IL1RAP: variants seen among roughly 807,000 people sequenced by gnomAD.
IL1RAP encodes interleukin 1 receptor accessory protein.
IL1RAP carries 35 observed loss-of-function variants against 60.7 expected under a neutral mutation model. That is an observed-to-expected ratio of 0.58 (90% CI 0.44 to 0.76). The LOEUF is 0.76. Among genes scored for constraint, IL1RAP ranks in the 30% least tolerant of loss-of-function variants. The pLI is 0.00. For missense variants in IL1RAP, 572 were observed against 693.9 expected, an observed-to-expected ratio of 0.82 and a Z score of 1.97; for synonymous variants, 268 against 250.9, an observed-to-expected ratio of 1.07 and a Z score of -0.64.
At chr3:190,598,102 G>C (rs147193745) in intron 3 of IL1RAP, among the ~76,000 whole-genome samples, 23 of 152,290 alleles carry the variant, frequency 1.5e-4, no homozygotes, top group Middle Eastern at 3.4e-3. Context: ...ACACATTGTA[G>C]AGTGGGTTAT....
At chr3:190,614,387 G>A (rs971888031) in intron 5 of IL1RAP, among the ~76,000 whole-genome samples, 5 of 151,928 alleles carry the variant, frequency 3.3e-5, no homozygotes, top group African/African-American at 4.8e-5. Flanking sequence ...ACACGGCAGC[G>A]TGCTGTGTGC....
rs1306315206 is a variant in IL1RAP, at chr3:190,648,739, G to A, written c.*34G>A. 3 of 1,564,776 alleles carry A rather than the reference G, an allele frequency of 1.9e-6. No homozygotes were observed. The highest frequency in any genetic ancestry group is 1.4e-5 in the African/African-American group (1 of 73,090). ...ATGAAAAGGGTAAAAAGAACAAGGG[G>A]TGCTCCAGGAAGAAAGAGTCCCCCC... On this transcript the variant is annotated 3_prime_UTR_variant, in exon 12 of 12. Coordinates refer to ENST00000447382, the MANE Select transcript of IL1RAP (RefSeq NM_002182.4).
At chr3:190,586,459 G>A (rs1450584117) in intron 3 of IL1RAP, among the ~76,000 whole-genome samples, 2 of 152,162 alleles carry the variant, frequency 1.3e-5, no homozygotes, top group Non-Finnish European at 2.9e-5. Flanking sequence ...GAGGTGACAG[G>A]GGGCTCTGAT....
At chr3:190,628,204 G>A (rs1010368465) in intron 8 of IL1RAP, among the ~76,000 whole-genome samples, 2 of 152,112 alleles carry the variant, frequency 1.3e-5, no homozygotes, top group South Asian at 2.1e-4. Flanking sequence ...TACCATTACC[G>A]AACAGCAGTT....
intron 3 of IL1RAP, among the ~76,000 whole-genome samples, chr3:190,602,659 C>A (rs1023722065): frequency 6.6e-6 from 1 of 152,132 alleles, no homozygotes; most frequent in Non-Finnish European, 1.5e-5. Flanking sequence ...TGGTGTATGG[C>A]AAATCACTAT....
intron 7 of IL1RAP, 149 bp from the exon 8 acceptor site, chr3:190,627,174 C>A: frequency 1.6e-6 from 1 of 640,390 alleles, no homozygotes; most frequent in Non-Finnish European, 2.6e-6. Flanking sequence ...ACACATAACT[C>A]GTAGCTTCTG....
In IL1RAP at chr3:190,641,337, C is replaced by T. The variant is rs534928644; in HGVS notation, c.1052-2911C>T. 3.3e-5 allele frequency among the ~76,000 whole-genome samples: 5 copies of T among 152,236 alleles called. No individual in the cohort carries two copies. The South Asian group carries it at 8.3e-4, about 25-fold the overall frequency. ...TTTGTCAAAACACCTGAGGGTCCAG[C>T]TAGGCAGTCAGCAAATGTAGTCTGA... On this transcript the variant is annotated intron_variant, in intron 9 of 11. Transcript: ENST00000447382.
downstream of IL1RAP, among the ~76,000 whole-genome samples, chr3:190,651,860 GAC>G (rs145084977): frequency 0.03 from 4,383 of 144,232 alleles, 186 homozygotes; most frequent in African/African-American, 0.11. Context: ...GATACAGAGA[GAC>G]AGAGAAAAAG....
At chr3:190,604,483 G>T in intron 4 of IL1RAP, 70 bp downstream of exon 4, 2 of 1,474,976 alleles carry the variant, frequency 1.4e-6, no homozygotes, top group African/African-American at 1.4e-5. Flanking sequence ...GATGATCCGT[G>T]TGCTAGGAAG....
intron 3 of IL1RAP, among the ~76,000 whole-genome samples, chr3:190,565,716 T>C (rs1726327485): frequency 1.3e-5 from 2 of 152,174 alleles, no homozygotes; most frequent in South Asian, 4.1e-4. Flanking sequence ...TCCTGCTTGG[T>C]TAGGTGTCGC....
chr3:190,610,199 C>A (rs552971037), intron 5 of IL1RAP, among the ~76,000 whole-genome samples: 1 of 151,998 alleles, frequency 6.6e-6, no homozygotes, highest in African/African-American at 2.4e-5. Context: ...AAAGCCAGGA[C>A]GTCTTAAGAC....
intron 3 of IL1RAP, 63 bp from the exon 4 acceptor site, chr3:190,604,065 C>T: frequency 6.6e-7 from 1 of 1,511,636 alleles, no homozygotes; most frequent in Non-Finnish European, 9.0e-7. Context: ...AAGGTGTGTT[C>T]TTTTGAGGCC....
intron 5 of IL1RAP, among the ~76,000 whole-genome samples, chr3:190,616,858 A>G (rs1731322392): frequency 6.6e-6 from 1 of 152,206 alleles, no homozygotes; most frequent in Admixed American, 6.5e-5. Context: ...CCAAGTATTG[A>G]GCAAGTTTCC....
downstream of IL1RAP, among the ~76,000 whole-genome samples, chr3:190,652,906 T>C (rs1251014925): frequency 6.6e-6 from 1 of 152,192 alleles, no homozygotes; most frequent in African/African-American, 2.4e-5. Context: ...GTGATTAACC[T>C]TCCTTAAACT....
intron 3 of IL1RAP, among the ~76,000 whole-genome samples, chr3:190,566,853 G>T (rs1009841713): frequency 6.6e-6 from 1 of 152,174 alleles, no homozygotes; most frequent in East Asian, 1.9e-4. Flanking sequence ...GCACATGAAA[G>T]TATTGCCTTT....
chr3:190,549,324 A>G (rs1001427657), intron 1 of IL1RAP, among the ~76,000 whole-genome samples: 6 of 152,146 alleles, frequency 3.9e-5, no homozygotes, highest in African/African-American at 1.4e-4. Flanking sequence ...TTCCCCCTGA[A>G]AGAAGTACAT....
intron 8 of IL1RAP, 139 bp from the exon 9 acceptor site, chr3:190,629,211 T>TGATTACAAATAAGCTGC (rs1259596786): frequency 4.5e-4 from 269 of 594,170 alleles, no homozygotes; most frequent in Middle Eastern, 8.9e-4. Flanking sequence ...ATCACTGCAT[T>TGATTACAAATAAGCTGC]ATAGGTGGCT....
chr3:190,544,892 A>G (rs1724238868), intron 1 of IL1RAP, among the ~76,000 whole-genome samples: 1 of 152,232 alleles, frequency 6.6e-6, no homozygotes, highest in Admixed American at 6.5e-5. Context: ...GTGAATTACT[A>G]AAGCATAGCC....
intron 3 of IL1RAP, among the ~76,000 whole-genome samples, chr3:190,590,895 A>G (rs1004692387): frequency 1.6e-4 from 25 of 152,348 alleles, no homozygotes; most frequent in African/African-American, 5.5e-4. Context: ...ACAATGTAGT[A>G]GAACACAGAA....
Sources: allele counts gnomAD v4.1 joint callset (sites outside exome capture counted in the v4.1 genomes callset), GRCh38; gene constraint gnomAD v4.1.1; transcripts MANE v1.5; gene names NCBI Gene and HGNC (gene_info 2026-07-23, HGNC 2026-07-21).